RALYL: variants seen among roughly 807,000 people sequenced by gnomAD.
RALYL encodes the protein RALY RNA binding protein like.
Under a neutral mutation model 35.1 loss-of-function variants are expected in RALYL, and 29 were observed. The ratio of observed to expected loss-of-function variants is 0.83; its 90% CI spans 0.61 to 1.13. RALYL has a LOEUF of 1.13. RALYL is among the 50% of genes most tolerant of loss of function. The pLI is 0.00. For missense variants in RALYL, 359 were observed against 360.4 expected, an observed-to-expected ratio of 1.00 and a Z score of 0.03; for synonymous variants, 120 against 127.6, an observed-to-expected ratio of 0.94 and a Z score of 0.40.
At chr8:84,608,847 T>C (rs79248812) in intron 2 of RALYL, among the ~76,000 whole-genome samples, 2,254 of 152,272 alleles carry the variant, frequency 0.015, 62 homozygotes, top group African/African-American at 0.051. Flanking sequence ...ATATCTGCAG[T>C]TGAGCAGGCA....
At chr8:84,527,050 T>C (rs1262608940) in intron 1 of RALYL, among the ~76,000 whole-genome samples, 2 of 152,196 alleles carry the variant, frequency 1.3e-5, no homozygotes, top group African/African-American at 4.8e-5. Flanking sequence ...AAACTATGAA[T>C]TGAGGCCTAA....
At chr8:84,641,016 A>G (rs191502057) in intron 2 of RALYL, among the ~76,000 whole-genome samples, 6 of 151,828 alleles carry the variant, frequency 4.0e-5, no homozygotes, top group Admixed American at 3.9e-4. Context: ...ACATGCTTGG[A>G]CTTTCTGACT....
At chr8:84,637,808 T>C (rs774251706) in intron 2 of RALYL, among the ~76,000 whole-genome samples, 42 of 151,806 alleles carry the variant, frequency 2.8e-4, no homozygotes, top group Middle Eastern at 3.2e-3. Context: ...GCATGGTCTG[T>C]TTCAAGGTTA....
At chr8:84,270,537 C>A (rs2131933075) in intron 1 of RALYL, among the ~76,000 whole-genome samples, 1 of 149,102 alleles carries the variant, frequency 6.7e-6, no homozygotes, top group Admixed American at 6.8e-5. Flanking sequence ...TTTCGATTAA[C>A]CAGTGACATG....
intron 2 of RALYL, among the ~76,000 whole-genome samples, chr8:84,733,410 C>G (rs1846614613): frequency 6.6e-6 from 1 of 152,256 alleles, no homozygotes; most frequent in East Asian, 1.9e-4. Context: ...TTCTGACAGT[C>G]TATTATTTTA....
At chr8:84,242,113 T>C (rs1427247727) in intron 1 of RALYL, among the ~76,000 whole-genome samples, 7 of 152,216 alleles carry the variant, frequency 4.6e-5, no homozygotes. Context: ...TTTGGATTTC[T>C]GTTTTTGCAT....
At chr8:84,869,509 C>T (rs999474707) in intron 6 of RALYL, among the ~76,000 whole-genome samples, 3 of 152,090 alleles carry the variant, frequency 2.0e-5, no homozygotes, top group African/African-American at 7.2e-5. Context: ...GAGGTTATAT[C>T]TAGAGCAGGG....
chr8:84,587,119 C>A (rs575561668), intron 2 of RALYL, among the ~76,000 whole-genome samples: 8 of 152,220 alleles, frequency 5.3e-5, no homozygotes, highest in African/African-American at 7.2e-5. Context: ...ATCAAACGAA[C>A]CTACATTAAA....
At chr8:84,850,103 T>C (rs907039459) in intron 5 of RALYL, 76 bp downstream of exon 5, 2 of 720,128 alleles carry the variant, frequency 2.8e-6, no homozygotes, top group Non-Finnish European at 4.4e-6. Context: ...TATTCATGGG[T>C]GCTCTTAATT....
chr8:84,310,554 G>A (rs1190717474), intron 1 of RALYL, among the ~76,000 whole-genome samples: 1 of 152,074 alleles, frequency 6.6e-6, no homozygotes, highest in African/African-American at 2.4e-5. Flanking sequence ...TTAAAGGCAG[G>A]AAGGAAGGAA....
chr8:84,620,051 TGAATC>T (rs1820942705), intron 2 of RALYL, among the ~76,000 whole-genome samples: 1 of 152,078 alleles, frequency 6.6e-6, no homozygotes, highest in African/African-American at 2.4e-5. Context: ...TCAACTTTGG[TGAATC>T]TGACAATTAT....
At chr8:84,920,767 A>G in intron 8 of RALYL, 127 bp from the exon 9 acceptor site, 1 of 413,662 alleles carries the variant, frequency 2.4e-6, no homozygotes, top group Non-Finnish European at 4.4e-6. Flanking sequence ...TTTGTCCTAA[A>G]TATCTAATTC....
chr8:84,546,413 G>A (rs1346857042), intron 2 of RALYL, among the ~76,000 whole-genome samples: 2 of 152,110 alleles, frequency 1.3e-5, no homozygotes, highest in African/African-American at 2.4e-5. Context: ...GAGCCACCAC[G>A]CCGAGCCAAG....
At chr8:84,880,928 A>G (rs1842075662) in intron 7 of RALYL, among the ~76,000 whole-genome samples, 1 of 151,968 alleles carries the variant, frequency 6.6e-6, no homozygotes, top group African/African-American at 2.4e-5. Context: ...TTAACTTACT[A>G]GCTGAATGAA....
chr8:84,768,944 T>A (rs1247124565), intron 2 of RALYL, among the ~76,000 whole-genome samples: 2 of 152,202 alleles, frequency 1.3e-5, no homozygotes, highest in Non-Finnish European at 2.9e-5. Flanking sequence ...TCAATCTAAG[T>A]GTGTTTTCAG....
At chr8:84,896,917 T>C (rs1352568263) in intron 8 of RALYL, among the ~76,000 whole-genome samples, 1 of 152,116 alleles carries the variant, frequency 6.6e-6, no homozygotes, top group Non-Finnish European at 1.5e-5. Context: ...TCAGTTAAAG[T>C]TGCATTTCAG....
chr8:84,391,146 C>T (rs1467667504), intron 1 of RALYL, among the ~76,000 whole-genome samples: 2 of 151,978 alleles, frequency 1.3e-5, no homozygotes, highest in Non-Finnish European at 2.9e-5. Flanking sequence ...CCCTTCTCTT[C>T]CCTTGGATAA....
chr8:84,450,322 G>A (rs1457433637), intron 1 of RALYL, among the ~76,000 whole-genome samples: 2 of 151,874 alleles, frequency 1.3e-5, no homozygotes, highest in African/African-American at 2.4e-5. Flanking sequence ...GTCCAGTGAA[G>A]AATTAAACTA....
intron 3 of RALYL, among the ~76,000 whole-genome samples, chr8:84,777,783 A>G (rs182369783): frequency 0.016 from 2,407 of 152,224 alleles, 29 homozygotes; most frequent in Middle Eastern, 0.037. Context: ...CTGGGACTAC[A>G]GGTGCCGGCC....
Sources: gnomAD v4.1 joint callset for allele counts (sites outside exome capture counted in the v4.1 genomes callset) on GRCh38, gnomAD v4.1.1 for gene constraint, MANE v1.5 for transcripts, NCBI Gene and HGNC (gene_info 2026-07-23, HGNC 2026-07-21) for gene names.